Variants in UBXN2A observed in about 807,000 individuals in gnomAD.
The protein encoded by UBXN2A is UBX domain-containing protein 2A.
UBXN2A carries 28 observed loss-of-function variants against 28.4 expected under a neutral mutation model. The ratio of observed to expected loss-of-function variants is 0.99; its 90% confidence interval spans 0.73 to 1.35. UBXN2A has a LOEUF of 1.35. Ranked by LOEUF, UBXN2A falls within the 40% of genes most tolerant of loss-of-function variation. UBXN2A has a pLI of 0.00. For missense variants in UBXN2A, 253 were observed against 297.9 expected (o/e 0.85, Z 1.11); for synonymous variants, 97 against 103.6 (o/e 0.94, Z 0.39).
At chr2:23,954,106 G>A (rs1284218002) in intron 1 of UBXN2A, among the ~76,000 whole-genome samples, 7 of 151,946 alleles carry the variant, frequency 4.6e-5, no homozygotes, top group East Asian at 1.9e-4. Context: ...TCCGCCTCCC[G>A]GGTACAAGTG....
rs906865730 is a variant in UBXN2A at position 23,983,117 on chromosome 2, A to G, written c.425+84A>G. 8 of 1,342,792 alleles carry G rather than the reference A, an allele frequency of 6.0e-6. No homozygotes were observed. The African/African-American group carries it at 7.5e-5, about 13-fold the overall frequency. The allele number at this position is 1,342,792 out of a possible 1,614,324, so 83.2% of individuals were successfully genotyped here. A position where few individuals can be genotyped will look rare whatever the true frequency, so the allele number is the denominator to read the frequency against. ...TCAGTATTTTACCCATGTAGACCACATGAATGGAGCTTATCATTTCTCCCA... is the reference window on the plus strand; with the variant it reads ...TCAGTATTTTACCCATGTAGACCACGTGAATGGAGCTTATCATTTCTCCCA... On this transcript the variant is annotated intron_variant, in intron 5 of 6. Transcript: ENST00000309033.
intron 3 of UBXN2A, among the ~76,000 whole-genome samples, chr2:23,975,862 G>C (rs1194018228): frequency 1.3e-5 from 2 of 152,112 alleles, no homozygotes; most frequent in Non-Finnish European, 2.9e-5. Context: ...CTGACCTCAG[G>C]TGATCCACCT....
At position 23,999,838 on chromosome 2, in the gene UBXN2A, G is replaced by C. The variant is rs376193605; in HGVS notation, c.751G>C (p.Ala251Pro). 1 of 1,612,084 alleles carries C rather than the reference G, an allele frequency of 6.2e-7. No homozygotes were observed. Among genetic ancestry groups the C allele is most frequent in the South Asian group, 1.1e-5 (1 of 90,602 alleles). ...CATCATTCAGAGACTCCAAAAAACT[G>C]CATCTTTTAGAGAACTTTCAGAGCA... Reference protein sequence around the residue: ...AVIIQRLQKTASFRELSEH With the variant: ...AVIIQRLQKTPSFRELSEH Residue 251 changes from alanine (A) to proline (P), a missense_variant, in exon 7 of 7, where the codon GCA (alanine) becomes CCA (proline). Coordinates refer to ENST00000309033, the MANE Select transcript of UBXN2A (RefSeq NM_181713.4).
intron 2 of UBXN2A, among the ~76,000 whole-genome samples, chr2:23,967,133 C>G (rs1707214852): frequency 6.6e-6 from 1 of 152,136 alleles, no homozygotes; most frequent in African/African-American, 2.4e-5. Context: ...CCACTCCACT[C>G]CACTCCACTC....
At chr2:23,930,020 C>G (rs962825289) in intron 1 of UBXN2A, among the ~76,000 whole-genome samples, 1 of 152,154 alleles carries the variant, frequency 6.6e-6, no homozygotes, top group Non-Finnish European at 1.5e-5. Flanking sequence ...TCCCAAGTAG[C>G]TAGGGCTACA....
intron 6 of UBXN2A, among the ~76,000 whole-genome samples, chr2:23,993,761 C>G (rs1160171472): frequency 1.3e-5 from 2 of 151,180 alleles, no homozygotes. Context: ...GATCTCAGCA[C>G]ACTGCGACCT....
upstream of UBXN2A, among the ~76,000 whole-genome samples, chr2:23,935,772 A>G (rs1464225723): frequency 1.3e-5 from 2 of 152,202 alleles, no homozygotes; most frequent in Non-Finnish European, 2.9e-5. Context: ...TGAAAACGCC[A>G]GGCACGGTGG....
At chr2:23,979,216 C>T (rs1164582387) in intron 4 of UBXN2A, among the ~76,000 whole-genome samples, 2 of 150,530 alleles carry the variant, frequency 1.3e-5, no homozygotes, top group Admixed American at 6.6e-5. Context: ...TGGTAGCAGG[C>T]GCCTGTAATC....
At chr2:23,931,131 G>A (rs1042023243) in intron 1 of UBXN2A, among the ~76,000 whole-genome samples, 1 of 151,260 alleles carries the variant, frequency 6.6e-6, no homozygotes, top group South Asian at 2.1e-4. Flanking sequence ...CAGCCTGGGC[G>A]ACAGAGCAAG....
chr2:23,962,678 T>A (rs1706984842), intron 2 of UBXN2A, among the ~76,000 whole-genome samples: 1 of 149,426 alleles, frequency 6.7e-6, no homozygotes, highest in African/African-American at 2.5e-5. Flanking sequence ...CAGTCTCGGC[T>A]CATGGCAGCC....
rs528688075 is a variant in UBXN2A, at chr2:23,974,368, C to T, written c.181-2601C>T. ...AACTTTTTTTTTTTTTATTTTGAGA[C>T]GGACTCTCGCTCTGTCGCCCAGGCT... On this transcript the variant is annotated intron_variant, in intron 3 of 6. Coordinates refer to ENST00000309033, the MANE Select transcript of UBXN2A (RefSeq NM_181713.4). Among the ~76,000 whole-genome samples, 350 of 142,070 alleles carry T rather than the reference C, an allele frequency of 2.5e-3. 1 individual carries two copies. Among genetic ancestry groups the T allele is most frequent in the South Asian group, 2.2e-3 (10 of 4,506 alleles). The allele number at this position is 142,070 out of a possible 152,430, so 93.2% of individuals were successfully genotyped here.
At chr2:23,928,383 C>T (rs1705211328) in intron 1 of UBXN2A, among the ~76,000 whole-genome samples, 1 of 152,098 alleles carries the variant, frequency 6.6e-6, no homozygotes, top group Admixed American at 6.5e-5. Context: ...CGAGACCAAC[C>T]TGGCCAACAT....
chr2:23,994,707 ACC>A (rs1708467613), intron 6 of UBXN2A, among the ~76,000 whole-genome samples: 1 of 152,116 alleles, frequency 6.6e-6, no homozygotes, highest in Non-Finnish European at 1.5e-5. Context: ...ATTTTAGCAT[ACC>A]TTATAATTCA....
intron 1 of UBXN2A, among the ~76,000 whole-genome samples, chr2:23,942,923 GAA>G (rs1321945763): frequency 7.2e-6 from 1 of 139,614 alleles, no homozygotes; most frequent in Non-Finnish European, 1.6e-5. Flanking sequence ...ACCTCCGTCA[GAA>G]AAAAAAAAAG....
chr2:23,964,295 C>T (rs1412076139), intron 2 of UBXN2A, among the ~76,000 whole-genome samples: 3 of 152,030 alleles, frequency 2.0e-5, no homozygotes, highest in Non-Finnish European at 4.4e-5. Flanking sequence ...ACCACAACCT[C>T]TGCCTCCCAG....
chr2:23,940,426 C>A (rs909019838), upstream of UBXN2A: 15 of 116,922 alleles, frequency 1.3e-4, no homozygotes, highest in African/African-American at 4.1e-4. Context: ...CGTCCGCGCG[C>A]GCTCCTCGGG....
intron 3 of UBXN2A, 31 bp from the exon 4 acceptor site, chr2:23,976,937 CA>C (rs1707690171): frequency 1.3e-6 from 2 of 1,541,866 alleles, no homozygotes; most frequent in South Asian, 2.2e-5. Context: ...ATTTTATTAA[CA>C]TGACGCATTT....
At chr2:23,977,846 T>C (rs990172482) in intron 4 of UBXN2A, among the ~76,000 whole-genome samples, 2 of 152,126 alleles carry the variant, frequency 1.3e-5, no homozygotes, top group Non-Finnish European at 2.9e-5. Flanking sequence ...ATTTTTTTTT[T>C]CCCGAGATGG....
At chr2:23,944,632 A>G (rs1396242366) in intron 1 of UBXN2A, among the ~76,000 whole-genome samples, 1 of 151,792 alleles carries the variant, frequency 6.6e-6, no homozygotes, top group African/African-American at 2.4e-5. Flanking sequence ...CTCTCTCCAT[A>G]TTGGGCTTTG....
Sources: gnomAD v4.1 joint callset for allele counts (sites outside exome capture counted in the v4.1 genomes callset) on GRCh38, gnomAD v4.1.1 for gene constraint, MANE v1.5 for transcripts, NCBI Gene and HGNC (gene_info 2026-07-23, HGNC 2026-07-21) for gene names.